R3HDM1: variants seen among roughly 807,000 people sequenced by gnomAD.
R3HDM1 encodes the protein R3H domain-containing protein 1.
In R3HDM1, 46 loss-of-function variants were observed where a neutral mutation model predicts 141.1. The ratio of observed to expected loss-of-function variants is 0.33; its 90% CI spans 0.26 to 0.42. R3HDM1 has a LOEUF of 0.42. Among genes scored for constraint, R3HDM1 ranks in the 10% least tolerant of loss-of-function variants. The pLI, the probability that R3HDM1 is intolerant of heterozygous loss-of-function variation, is 1.00. For synonymous variants in R3HDM1, 435 were observed against 472.9 expected, an observed-to-expected ratio of 0.92 and a Z score of 1.04; for missense variants, 1,184 against 1,368.3, an observed-to-expected ratio of 0.87 and a Z score of 2.12.
intron 19 of R3HDM1, chr2:135,669,725 A>G (rs963531970): frequency 6.1e-5 from 17 of 277,068 alleles, no homozygotes; most frequent in Non-Finnish European, 7.7e-5. Flanking sequence ...CAGCTGAAAA[A>G]CAGGGATAAT....
intron 5 of R3HDM1, among the ~76,000 whole-genome samples, chr2:135,617,059 C>A (rs980618305): frequency 2.0e-5 from 3 of 152,118 alleles, no homozygotes; most frequent in African/African-American, 7.2e-5. Flanking sequence ...TGCAGTGGCT[C>A]ACGCCTGTAA....
intron 21 of R3HDM1, among the ~76,000 whole-genome samples, chr2:135,687,144 G>A (rs2071489085): frequency 6.6e-6 from 1 of 152,216 alleles, no homozygotes; most frequent in Non-Finnish European, 1.5e-5. Flanking sequence ...GCAGTGAGCC[G>A]AGATAGTGCC....
In R3HDM1 at chr2:135,715,581, C is replaced by T; in HGVS notation, c.2768C>T (p.Ser923Leu). 6.2e-7 allele frequency: 1 copy of T among 1,614,050 alleles called. No homozygotes were observed. Among genetic ancestry groups the T allele is most frequent in the Non-Finnish European group, 8.5e-7 (1 of 1,179,952 alleles). Reference sequence around the variant, plus strand: ...CCTCAACTCAGTAGCCCCATTATTTCACCAGCTCAGTCGCCAGCACCAGCT... The same window carrying T: ...CCTCAACTCAGTAGCCCCATTATTTTACCAGCTCAGTCGCCAGCACCAGCT... ...HSPQLSSPII[S>L]PAQSPAPAQL... The change falls in exon 24 of 27, where the codon TCA becomes TTA. Residue 923 changes from serine to leucine, a missense_variant. Ser to Leu is a moderately radical substitution (Grantham distance 145). Coordinates refer to ENST00000683871, the MANE Select transcript of R3HDM1 (RefSeq NM_001378107.1).
At chr2:135,595,291 G>A (rs1710386625) in intron 1 of R3HDM1, among the ~76,000 whole-genome samples, 2 of 152,264 alleles carry the variant, frequency 1.3e-5, no homozygotes, top group Non-Finnish European at 2.9e-5. Context: ...AACTCTTCCA[G>A]CTCTCACAGC....
chr2:135,607,840 A>G (rs577881969), intron 3 of R3HDM1: 1 of 982,590 alleles, frequency 1.0e-6, no homozygotes, highest in Non-Finnish European at 1.2e-6. Context: ...ATTTATTGAA[A>G]AATCTCTTCT....
intron 1 of R3HDM1, chr2:135,543,196 T>G: frequency 5.7e-5 from 32 of 558,426 alleles, no homozygotes; most frequent in Middle Eastern, 9.1e-4. Flanking sequence ...CGTGAATATC[T>G]AGTTTTCTGC....
intron 19 of R3HDM1, among the ~76,000 whole-genome samples, chr2:135,674,116 A>T (rs1263812771): frequency 6.6e-6 from 1 of 152,120 alleles, no homozygotes; most frequent in African/African-American, 2.4e-5. Flanking sequence ...TTGTTACTGG[A>T]TATACCTTGT....
At chr2:135,541,369 G>A (rs866264032) in intron 1 of R3HDM1, among the ~76,000 whole-genome samples, 19 of 152,068 alleles carry the variant, frequency 1.2e-4, no homozygotes, top group Middle Eastern at 3.4e-3. Flanking sequence ...CACCATGCCC[G>A]GCTAATTTTT....
intron 1 of R3HDM1, chr2:135,536,919 A>T (rs1389196411): frequency 6.2e-6 from 1 of 161,076 alleles, no homozygotes; most frequent in Non-Finnish European, 1.3e-5. Flanking sequence ...TTCTTATGAG[A>T]ATCTAATGCC....
At chr2:135,592,749 A>AT (rs1055360821) in intron 1 of R3HDM1, among the ~76,000 whole-genome samples, 8 of 146,734 alleles carry the variant, frequency 5.5e-5, no homozygotes, top group African/African-American at 1.0e-4. Context: ...GTTTTTTATT[A>AT]TTTTTTTTTA....
At chr2:135,602,859 G>T (rs761320695) in intron 2 of R3HDM1, among the ~76,000 whole-genome samples, 151 bp downstream of exon 2, 5 of 151,812 alleles carry the variant, frequency 3.3e-5, no homozygotes, top group African/African-American at 1.2e-4. Context: ...TTTTGTATGG[G>T]TTATAATTAA....
chr2:135,628,634 G>C (rs1559286258), intron 7 of R3HDM1, among the ~76,000 whole-genome samples: 1 of 152,110 alleles, frequency 6.6e-6, no homozygotes, highest in Non-Finnish European at 1.5e-5. Flanking sequence ...TTGTTTGTTT[G>C]TTTGTTTTTG....
intron 21 of R3HDM1, among the ~76,000 whole-genome samples, chr2:135,698,260 C>T (rs886297848): frequency 3.3e-5 from 5 of 151,064 alleles, no homozygotes; most frequent in South Asian, 2.1e-4. Flanking sequence ...CCCGGGTTCA[C>T]GCCTTTCTCC....
At chr2:135,710,626 G>GAGT (rs1445193268) in intron 23 of R3HDM1, among the ~76,000 whole-genome samples, 1 of 151,892 alleles carries the variant, frequency 6.6e-6, no homozygotes, top group Non-Finnish European at 1.5e-5. Flanking sequence ...CTCCAGCCTG[G>GAGT]GCAACAAGAG....
intron 1 of R3HDM1, among the ~76,000 whole-genome samples, chr2:135,593,751 G>A (rs2105071722): frequency 6.6e-6 from 1 of 152,006 alleles, no homozygotes; most frequent in South Asian, 2.1e-4. Context: ...GACGGAGTCT[G>A]ACTCTATCAC....
chr2:135,581,427 A>T, intron 1 of R3HDM1: 1 of 970,916 alleles, frequency 1.0e-6, no homozygotes, highest in Non-Finnish European at 1.2e-6. Context: ...TTGAGGCTGG[A>T]ACTTTGGATA....
chr2:135,614,569 A>G (rs890483095), intron 3 of R3HDM1, among the ~76,000 whole-genome samples: 4 of 152,226 alleles, frequency 2.6e-5, no homozygotes, highest in African/African-American at 7.2e-5. Flanking sequence ...TTACCCACTA[A>G]TAAGAAGCAA....
intron 1 of R3HDM1, chr2:135,543,006 G>A: frequency 3.9e-6 from 3 of 762,768 alleles, no homozygotes; most frequent in Non-Finnish European, 4.8e-6. Flanking sequence ...CCAAAGTGCT[G>A]GGATTACAGG....
chr2:135,562,738 T>G (rs1267163912), intron 1 of R3HDM1, among the ~76,000 whole-genome samples: 1 of 152,342 alleles, frequency 6.6e-6, no homozygotes, highest in East Asian at 1.9e-4. Flanking sequence ...AGTCCCATAC[T>G]TTATCAGGTA....
Sources: gnomAD v4.1 joint callset for allele counts (sites outside exome capture counted in the v4.1 genomes callset) on GRCh38, gnomAD v4.1.1 for gene constraint, MANE v1.5 for transcripts, NCBI Gene and HGNC (gene_info 2026-07-23, HGNC 2026-07-21) for gene names.